ADAM32: variants seen among roughly 807,000 people sequenced by gnomAD.
ADAM32 encodes the protein disintegrin and metalloproteinase domain-containing protein 32.
ADAM32 carries 89 observed loss-of-function variants against 114.9 expected under a neutral mutation model. The ratio of observed to expected loss-of-function variants is 0.77; its 90% CI spans 0.65 to 0.92. The LOEUF is 0.92. Ranked by LOEUF, ADAM32 falls within the 40% of genes least tolerant of loss-of-function variation. ADAM32 has a pLI of 0.00. For missense variants in ADAM32, 870 were observed against 932.8 expected (o/e 0.93, Z 0.88); for synonymous variants, 285 against 307.5 (o/e 0.93, Z 0.77).
chr8:39,209,302 C>G (rs538647435), intron 11 of ADAM32, among the ~76,000 whole-genome samples: 13 of 152,094 alleles, frequency 8.5e-5, no homozygotes, highest in African/African-American at 3.1e-4. Context: ...TATTATTGCT[C>G]CAGGAATTCT....
chr8:39,283,583 T>C lies in ADAM32; in HGVS notation c.2319-3T>C. The C allele has an allele frequency of 6.3e-7, 1 of 1,595,840 alleles. No individual in the cohort carries two copies. Among genetic ancestry groups the C allele is most frequent in the Non-Finnish European group, 8.6e-7 (1 of 1,168,378 alleles). On this transcript the variant is annotated splice_region_variant and splice_polypyrimidine_tract_variant and intron_variant, in intron 23 of 24. Coordinates refer to ENST00000379907, the MANE Select transcript of ADAM32 (RefSeq NM_145004.7). ...TAAAAATGTTATTTCCTTATTTCCT[T>C]AGATCCAAATCACAGGACAGTACCC...
chr8:39,244,964 A>G (rs1434446066), intron 16 of ADAM32, among the ~76,000 whole-genome samples: 1 of 152,214 alleles, frequency 6.6e-6, no homozygotes, highest in Non-Finnish European at 1.5e-5. Context: ...TTCATGAACA[A>G]GAACCCAAAA....
At chr8:39,146,414 T>TTTA (rs1332006240) in intron 3 of ADAM32, among the ~76,000 whole-genome samples, 1 of 150,798 alleles carries the variant, frequency 6.6e-6, no homozygotes, top group African/African-American at 2.4e-5. Flanking sequence ...CTATTAAATT[T>TTTA]TTTTTTTTTT....
chr8:39,164,890 C>A, intron 8 of ADAM32, 55 bp downstream of exon 8: 1 of 1,543,282 alleles, frequency 6.5e-7, no homozygotes, highest in Non-Finnish European at 8.9e-7. Flanking sequence ...TGATAATTTG[C>A]CTAAACTTGA....
At chr8:39,215,813 C>T (rs555912533) in intron 12 of ADAM32, among the ~76,000 whole-genome samples, 2 of 151,980 alleles carry the variant, frequency 1.3e-5, no homozygotes, top group South Asian at 2.1e-4. Context: ...AACATATGGT[C>T]TGTCTATACT....
intron 2 of ADAM32, among the ~76,000 whole-genome samples, chr8:39,125,068 T>C (rs1474666987): frequency 6.6e-6 from 1 of 152,228 alleles, no homozygotes; most frequent in Non-Finnish European, 1.5e-5. Context: ...TATCTGATTG[T>C]GGTTTTGATT....
Position 39,171,881 on chromosome 8 carries a change from T to G in ADAM32, c.915+1884T>G, listed in dbSNP as rs145885388. ...TATATGTTAAACAATGTCCACTGTT[T>G]GCTTGCTGTGAACAGTAAGAGGTGT... On this transcript the variant is annotated intron_variant, in intron 10 of 24. Transcript: ENST00000379907. Among the ~76,000 whole-genome samples the G allele has an allele frequency of 5.1e-3, 777 of 151,460 alleles. 5 individuals carry two copies. The highest frequency in any genetic ancestry group is 6.9e-3 in the Non-Finnish European group (471 of 67,836).
rs115734526 is a variant in ADAM32 at position 39,145,799 on chromosome 8, T to A, written c.201-1331T>A. ...CAGGTTGGAAAGCAGTGGTGGCATC[T>A]CAGCTCACTGCAGCCTTGAACTCCT... On this transcript the variant is annotated intron_variant, in intron 3 of 24. Coordinates refer to ENST00000379907, the MANE Select transcript of ADAM32 (RefSeq NM_145004.7). Among the ~76,000 whole-genome samples the A allele has an allele frequency of 7.1e-3, 1,085 of 152,272 alleles. 19 individuals are homozygous for A. Among genetic ancestry groups the A allele is most frequent in the African/African-American group, 0.025 (1,039 of 41,556 alleles).
chr8:39,236,322 T>A (rs760522530), intron 16 of ADAM32, among the ~76,000 whole-genome samples: 40 of 152,260 alleles, frequency 2.6e-4, no homozygotes, highest in Middle Eastern at 3.4e-3. Flanking sequence ...TATGTGCAAT[T>A]AATACAAGAT....
At chr8:39,147,529 C>A (rs1412833174) in intron 4 of ADAM32, among the ~76,000 whole-genome samples, 3 of 151,946 alleles carry the variant, frequency 2.0e-5, no homozygotes, top group Non-Finnish European at 4.4e-5. Context: ...AATCACAGAT[C>A]AAAAACTCTT....
At chr8:39,182,091 A>C (rs1304661765) in intron 10 of ADAM32, among the ~76,000 whole-genome samples, 2 of 152,234 alleles carry the variant, frequency 1.3e-5, no homozygotes, top group Non-Finnish European at 2.9e-5. Flanking sequence ...CTTAGTAATT[A>C]AGACAGAGAC....
intron 12 of ADAM32, among the ~76,000 whole-genome samples, chr8:39,213,070 A>G (rs1808335012): frequency 6.6e-6 from 1 of 152,182 alleles, no homozygotes; most frequent in African/African-American, 2.4e-5. Context: ...TTTCTGGGAT[A>G]CAGTGCAGTT....
intron 2 of ADAM32, among the ~76,000 whole-genome samples, chr8:39,124,288 T>A (rs1801976187): frequency 6.6e-6 from 1 of 152,184 alleles, no homozygotes; most frequent in South Asian, 2.1e-4. Flanking sequence ...TGGTTTTCTG[T>A]TCCTGCATTA....
At chr8:39,197,753 A>G (rs1380797042) in intron 11 of ADAM32, among the ~76,000 whole-genome samples, 1 of 152,194 alleles carries the variant, frequency 6.6e-6, no homozygotes, top group Non-Finnish European at 1.5e-5. Flanking sequence ...ATGCTGGAGA[A>G]TGTTCCATGT....
chr8:39,255,004 A>T (rs999445139), intron 18 of ADAM32, among the ~76,000 whole-genome samples: 1 of 151,880 alleles, frequency 6.6e-6, no homozygotes, highest in Non-Finnish European at 1.5e-5. Context: ...CTTCACTTAG[A>T]ATAATGGTCT....
chr8:39,238,849 T>C (rs534605094), intron 16 of ADAM32, among the ~76,000 whole-genome samples: 1 of 152,086 alleles, frequency 6.6e-6, no homozygotes, highest in East Asian at 1.9e-4. Flanking sequence ...GGCTTTGGAA[T>C]GAACCCAATC....
At chr8:39,108,922 C>G (rs927479207) in intron 1 of ADAM32, among the ~76,000 whole-genome samples, 1 of 152,134 alleles carries the variant, frequency 6.6e-6, no homozygotes, top group African/African-American at 2.4e-5. Flanking sequence ...AGGAAATTCT[C>G]TGATGTCTCA....
chr8:39,108,872 T>G lies in ADAM32; in HGVS notation c.58+1039T>G, dbSNP rs796514552. Among the ~76,000 whole-genome samples the G allele has an allele frequency of 2.4e-4, 37 of 152,256 alleles. 1 individual carries two copies. Among genetic ancestry groups the G allele is most frequent in the African/African-American group, 8.9e-4 (37 of 41,530 alleles). On this transcript the variant is annotated intron_variant, in intron 1 of 24. Transcript: ENST00000379907. ...AAACAGCTACCTTCTCCCTGCGTAC[T>G]CACAGGACCTTTTCTTTGTGTACAG... is the stretch of plus-strand genomic sequence containing the variant.
chr8:39,157,191 G>A (rs1402219815), intron 6 of ADAM32, among the ~76,000 whole-genome samples: 1 of 152,080 alleles, frequency 6.6e-6, no homozygotes, highest in Non-Finnish European at 1.5e-5. Context: ...GTGAGGAATT[G>A]CTTTTCTCTT....
Sources: allele counts gnomAD v4.1 joint callset (sites outside exome capture counted in the v4.1 genomes callset), GRCh38; gene constraint gnomAD v4.1.1; transcripts MANE v1.5; gene names NCBI Gene and HGNC (gene_info 2026-07-23, HGNC 2026-07-21).